Variants in MDGA2 observed in about 807,000 individuals in gnomAD.
The protein encoded by MDGA2 is MAM domain-containing glycosylphosphatidylinositol anchor protein 2.
A neutral mutation model predicts 117.8 loss-of-function variants in MDGA2; 40 were observed. That is an observed-to-expected ratio of 0.34 (90% CI 0.26 to 0.44). The LOEUF (loss-of-function observed/expected upper bound fraction) is 0.44, where lower values mean the gene tolerates loss of function less well. MDGA2 is among the 20% of genes least tolerant of loss of function. The pLI is 1.00. For synonymous variants in MDGA2, 452 were observed against 439.0 expected, an observed-to-expected ratio of 1.03 and a Z score of -0.37; for missense variants, 1,123 against 1,250.6, an observed-to-expected ratio of 0.90 and a Z score of 1.54.
At chr14:46,988,890 T>C (rs1351707708) in intron 8 of MDGA2, among the ~76,000 whole-genome samples, 1 of 151,466 alleles carries the variant, frequency 6.6e-6, no homozygotes, top group Non-Finnish European at 1.5e-5. Context: ...ATCCCATGTG[T>C]TCTCAGACTA....
intron 6 of MDGA2, among the ~76,000 whole-genome samples, chr14:47,062,987 A>T (rs1285688343): frequency 1.3e-5 from 2 of 152,010 alleles, no homozygotes; most frequent in African/African-American, 4.8e-5. Flanking sequence ...CCTCCTCAAG[A>T]CTAGCCACTA....
intron 2 of MDGA2, among the ~76,000 whole-genome samples, chr14:47,229,269 T>C (rs902732424): frequency 6.6e-6 from 1 of 152,134 alleles, no homozygotes; most frequent in Non-Finnish European, 1.5e-5. Context: ...GAAATTCAAG[T>C]GTGATAGCTG....
rs184492095 is a variant in MDGA2 at position 46,962,050 on chromosome 14, T to C, written c.1820-4407A>G. On this transcript the variant is annotated intron_variant, in intron 8 of 16. Coordinates refer to ENST00000399232, the MANE Select transcript of MDGA2 (RefSeq NM_001113498.3). ...ATTAATTTTGATCAATTTGATTCTA[T>C]GCTATTTGTTGCCCTTTAAAAATAT... Among the ~76,000 whole-genome samples, 5 of 152,334 alleles carry C rather than the reference T, an allele frequency of 3.3e-5. No individual in the cohort carries two copies. In the East Asian group the frequency reaches 9.7e-4, roughly 29 times the overall value.
At chr14:47,276,146 T>C (rs1039234199) in intron 2 of MDGA2, among the ~76,000 whole-genome samples, 3 of 152,166 alleles carry the variant, frequency 2.0e-5, no homozygotes, top group African/African-American at 7.2e-5. Flanking sequence ...GTCAGAAGTA[T>C]CTTCCAGCTA....
At chr14:47,318,470 G>A (rs1268775634) in intron 1 of MDGA2, among the ~76,000 whole-genome samples, 6 of 152,014 alleles carry the variant, frequency 3.9e-5, no homozygotes, top group Admixed American at 3.9e-4. Flanking sequence ...CTTGACCCCT[G>A]TGAACAAATC....
At chr14:47,404,076 A>G (rs953466888) in intron 1 of MDGA2, among the ~76,000 whole-genome samples, 6 of 152,108 alleles carry the variant, frequency 3.9e-5, no homozygotes. Flanking sequence ...CGTAAAATTT[A>G]TATTAAATAA....
At chr14:47,488,135 AT>A (rs1894097786) in intron 1 of MDGA2, among the ~76,000 whole-genome samples, 1 of 152,140 alleles carries the variant, frequency 6.6e-6, no homozygotes, top group Non-Finnish European at 1.5e-5. Context: ...TTAAATGAAT[AT>A]TTTATTGAAT....
At chr14:47,242,483 G>C (rs1276771087) in intron 2 of MDGA2, among the ~76,000 whole-genome samples, 2 of 151,846 alleles carry the variant, frequency 1.3e-5, no homozygotes, top group Non-Finnish European at 2.9e-5. Flanking sequence ...TGTGGCGCTT[G>C]CGGGGCAGCT....
intron 1 of MDGA2, among the ~76,000 whole-genome samples, chr14:47,309,542 T>C (rs1042650582): frequency 2.6e-5 from 4 of 152,124 alleles, no homozygotes; most frequent in African/African-American, 9.7e-5. Context: ...TGGGTAGCAT[T>C]GTTATAAAGT....
intron 8 of MDGA2, among the ~76,000 whole-genome samples, chr14:46,994,188 G>A (rs902326595): frequency 6.6e-6 from 1 of 152,100 alleles, no homozygotes; most frequent in Non-Finnish European, 1.5e-5. Flanking sequence ...GGAAGGTAAT[G>A]CCCATCCTGC....
At chr14:47,113,885 T>G (rs1317299340) in intron 5 of MDGA2, among the ~76,000 whole-genome samples, 1 of 151,974 alleles carries the variant, frequency 6.6e-6, no homozygotes, top group African/African-American at 2.4e-5. Context: ...CTAATCAACA[T>G]AGTACTGGAA....
chr14:47,541,552 T>C (rs1895352784), intron 1 of MDGA2, among the ~76,000 whole-genome samples: 1 of 152,220 alleles, frequency 6.6e-6, no homozygotes, highest in African/African-American at 2.4e-5. Flanking sequence ...CTCTTCCCTT[T>C]TTCCTCTTTA....
At chr14:47,266,663 T>C (rs1281006297) in intron 2 of MDGA2, among the ~76,000 whole-genome samples, 1 of 152,216 alleles carries the variant, frequency 6.6e-6, no homozygotes, top group African/African-American at 2.4e-5. Flanking sequence ...GTCTCTGGAA[T>C]TGTATTTTCC....
chr14:47,289,688 A>G (rs1371076920), intron 2 of MDGA2, among the ~76,000 whole-genome samples: 1 of 152,146 alleles, frequency 6.6e-6, no homozygotes, highest in Non-Finnish European at 1.5e-5. Context: ...TTTCAATTCT[A>G]TGTTGACAGA....
intron 3 of MDGA2, among the ~76,000 whole-genome samples, chr14:47,160,948 C>G (rs1202760211): frequency 6.6e-6 from 1 of 152,124 alleles, no homozygotes; most frequent in Non-Finnish European, 1.5e-5. Flanking sequence ...CTGCATGAAG[C>G]ATCTCTTAAT....
chr14:47,593,868 C>T (rs1421683190), intron 1 of MDGA2, among the ~76,000 whole-genome samples: 1 of 151,778 alleles, frequency 6.6e-6, no homozygotes, highest in Non-Finnish European at 1.5e-5. Context: ...ACATGTATCC[C>T]GTAATTTAAA....
At chr14:47,168,268 G>A (rs1289736664) in intron 3 of MDGA2, among the ~76,000 whole-genome samples, 2 of 145,762 alleles carry the variant, frequency 1.4e-5, no homozygotes, top group African/African-American at 2.5e-5. Flanking sequence ...CATAGTGACA[G>A]GGCGGAACTC....
intron 9 of MDGA2, among the ~76,000 whole-genome samples, chr14:46,926,851 A>T (rs563801654): frequency 1.2e-4 from 18 of 152,172 alleles, no homozygotes; most frequent in Non-Finnish European, 2.4e-4. Flanking sequence ...ACTAGTAAAA[A>T]AATACTGCCT....
intron 1 of MDGA2, among the ~76,000 whole-genome samples, chr14:47,665,583 G>T (rs1001780792): frequency 2.6e-5 from 4 of 152,324 alleles, no homozygotes; most frequent in Non-Finnish European, 4.4e-5. Context: ...GGGCCAGCTG[G>T]AGTTCCGGGT....
Sources: gnomAD v4.1 joint callset for allele counts (sites outside exome capture counted in the v4.1 genomes callset) on GRCh38, gnomAD v4.1.1 for gene constraint, MANE v1.5 for transcripts, NCBI Gene and HGNC (gene_info 2026-07-23, HGNC 2026-07-21) for gene names.